Variants in USE1 observed in about 807,000 individuals in gnomAD.
The protein encoded by USE1 is vesicle transport protein USE1.
A neutral mutation model predicts 37.6 loss-of-function variants in USE1; 32 were observed. The observed-to-expected ratio is 0.85, with a 90% CI of 0.64 to 1.14. The LOEUF is 1.14. Ranked by LOEUF, USE1 falls within the 50% of genes most tolerant of loss-of-function variation. USE1 has a pLI of 0.00. For synonymous variants in USE1, 149 were observed against 137.6 expected (o/e 1.08, Z -0.58); for missense variants, 310 against 332.2 (o/e 0.93, Z 0.52).
chr19:17,219,423 T>C, intron 7 of USE1, 36 bp downstream of exon 7: 1 of 1,528,800 alleles, frequency 6.5e-7, no homozygotes, highest in African/African-American at 1.4e-5. Context: ...GCCTCTGCCC[T>C]GGGGCATCAG....
At chr19:17,218,581 T>G in intron 6 of USE1, 190 bp downstream of exon 6, 1 of 612,544 alleles carries the variant, frequency 1.6e-6, no homozygotes, top group Non-Finnish European at 2.6e-6. Flanking sequence ...ATCCCAATAC[T>G]TTGGGAGGCT....
Position 17,216,010 on chromosome 19 carries a change from G to A in USE1, c.171G>A (p.Val57=), listed in dbSNP as rs1194918809. The A allele has an allele frequency of 2.5e-6, 4 of 1,607,510 alleles. No individual in the cohort carries two copies. The change falls in exon 3 of 8, where the codon GTG becomes GTA. Residue 57 remains valine, a synonymous_variant. Transcript: ENST00000263897. The part of the protein sequence containing the change: ...KVHASKPASE[V]INEYSWKVDF... The stretch of plus-strand genomic sequence containing the variant: ...CTTCCAGCAAACCGGCCTCTGAGGT[G>A]ATCAATGAATATTCCTGGAAGGTGG...
chr19:17,216,669 G>A (rs528779966), intron 4 of USE1, among the ~76,000 whole-genome samples: 1 of 152,202 alleles, frequency 6.6e-6, no homozygotes, highest in Non-Finnish European at 1.5e-5. Flanking sequence ...ATGTGGATCA[G>A]CTCAATCTTT....
intron 2 of USE1, 43 bp from the exon 3 acceptor site, chr19:17,215,949 G>T (rs1341248189): frequency 6.3e-7 from 1 of 1,583,326 alleles, no homozygotes; most frequent in Admixed American, 1.8e-5. Context: ...CCCTGAGCTG[G>T]GGACCATGGA....
intron 6 of USE1, 44 bp downstream of exon 6, chr19:17,218,435 G>A: frequency 6.2e-7 from 1 of 1,613,130 alleles, no homozygotes; most frequent in Non-Finnish European, 8.5e-7. Context: ...ATTGGGCGGT[G>A]CGGCAGGGAC....
intron 1 of USE1, 80 bp downstream of exon 1, chr19:17,215,587 C>G: frequency 6.7e-7 from 1 of 1,493,404 alleles, no homozygotes; most frequent in Non-Finnish European, 9.0e-7. Flanking sequence ...TGGCCCGACT[C>G]CCCGGCCCCA....
In USE1 at chr19:17,216,014, A is replaced by G; in HGVS notation, c.175A>G (p.Asn59Asp). Reference protein sequence around the residue: ...HASKPASEVINEYSWKVDFLK... With the variant: ...HASKPASEVIDEYSWKVDFLK... ...CAGCAAACCGGCCTCTGAGGTGATC[A>G]ATGAATATTCCTGGAAGGTGGATTT... is the stretch of plus-strand genomic sequence containing the variant. Residue 59 changes from asparagine to aspartate, a missense_variant, in exon 3 of 8, where the codon AAT becomes GAT. Physicochemically the swap from Asn to Asp is conservative, Grantham distance 23. Coordinates refer to ENST00000263897, the MANE Select transcript of USE1 (RefSeq NM_018467.4). 6.2e-7 allele frequency: 1 copy of G among 1,608,676 alleles called. No homozygotes were observed. Among genetic ancestry groups the G allele is most frequent in the Non-Finnish European group, 8.5e-7 (1 of 1,177,578 alleles).
intron 2 of USE1, 67 bp downstream of exon 2, chr19:17,215,918 G>T: frequency 1.3e-6 from 2 of 1,583,102 alleles, no homozygotes; most frequent in Non-Finnish European, 1.7e-6. Context: ...TCCCAGTACC[G>T]CTATCCCAGC....
chr19:17,215,708 C>T, intron 1 of USE1, 94 bp from the exon 2 acceptor site: 2 of 1,184,298 alleles, frequency 1.7e-6, no homozygotes, highest in Non-Finnish European at 2.4e-6. Context: ...CTCCTTTACG[C>T]TTGACCCCTC....
chr19:17,218,178 A>G, intron 5 of USE1, 186 bp from the exon 6 acceptor site: 2 of 690,988 alleles, frequency 2.9e-6, no homozygotes, highest in Admixed American at 5.8e-5. Context: ...GTCTGAGGGA[A>G]CCGAGACAGG....
intron 1 of USE1, 137 bp downstream of exon 1, chr19:17,215,644 C>T (rs2073284149): frequency 3.0e-6 from 4 of 1,318,348 alleles, no homozygotes; most frequent in Admixed American, 4.2e-5. Context: ...GCCACGTCCA[C>T]CTGTAGCTTC....
intron 4 of USE1, 69 bp from the exon 5 acceptor site, chr19:17,217,384 C>A: frequency 6.3e-7 from 1 of 1,580,344 alleles, no homozygotes; most frequent in East Asian, 2.3e-5. Flanking sequence ...GATCTGCCCA[C>A]CTTGGCCTCC....
In USE1 at chr19:17,215,996, C is replaced by G. The variant is rs1303756637; in HGVS notation, c.157C>G (p.Pro53Ala). Residue 53 changes from proline to alanine, a missense_variant, in exon 3 of 8, where the codon CCG (proline) becomes GCG (alanine). Coordinates refer to ENST00000263897, the MANE Select transcript of USE1 (RefSeq NM_018467.4). ...TTTCTTCTTCCTGCCTTCCAGCAAA[C>G]CGGCCTCTGAGGTGATCAATGAATA... ...LQALKVHASKPASEVINEYSW... is the reference protein window; with the variant it reads ...LQALKVHASKAASEVINEYSW... The G allele has an allele frequency of 6.2e-7, 1 of 1,604,216 alleles. No homozygotes were observed.
intron 6 of USE1, chr19:17,218,826 C>CAAAA (rs34769436): frequency 6.0e-5 from 4 of 67,064 alleles, no homozygotes; most frequent in Non-Finnish European, 7.7e-5. Flanking sequence ...GATGCTGTCT[C>CAAAA]AAAAAAAAAA....
Position 17,219,817 on chromosome 19 carries a change from C to T in USE1, c.*4C>T. 1.9e-6 allele frequency: 3 copies of T among 1,576,732 alleles called. No individual in the cohort carries two copies. The highest frequency in any genetic ancestry group is 1.7e-6 in the Non-Finnish European group (2 of 1,159,388). ...AATCATGCCTAAACTCAAATAAAGA[C>T]CCCCGCCCACCTTGTCTGTCTTCCG... On this transcript the variant is annotated 3_prime_UTR_variant, in exon 8 of 8. Coordinates refer to ENST00000263897, the MANE Select transcript of USE1 (RefSeq NM_018467.4).
Position 17,215,451 on chromosome 19 carries a change from C to A in USE1, c.46C>A (p.Arg16Ser), listed in dbSNP as rs867902713. ...GCTAAACCTGGTGCGGCTGCTATCCCGCTGCGAGGCGATGGCAGCGGAGAA... is the reference window on the plus strand; with the variant it reads ...GCTAAACCTGGTGCGGCTGCTATCCAGCTGCGAGGCGATGGCAGCGGAGAA... ...LELNLVRLLS[R>S]CEAMAAEKRD... The change falls in exon 1 of 8, where the codon CGC becomes AGC. Residue 16 changes from arginine to serine, a missense_variant. By Grantham distance (110) the Arg-to-Ser change is moderately radical (BLOSUM62 -1). Transcript: ENST00000263897. 1 of 1,563,234 alleles carries A rather than the reference C, an allele frequency of 6.4e-7. No homozygotes were observed. Among genetic ancestry groups the A allele is most frequent in the Non-Finnish European group, 8.7e-7 (1 of 1,155,544 alleles).
intron 4 of USE1, 137 bp downstream of exon 4, chr19:17,216,458 A>G (rs2073291504): frequency 2.4e-6 from 3 of 1,255,994 alleles, no homozygotes; most frequent in South Asian, 3.0e-5. Context: ...GGGTCATCAC[A>G]CAAGGCTGCC....
chr19:17,216,012 T>C lies in USE1; in HGVS notation c.173T>C (p.Ile58Thr), dbSNP rs1339758824. The C allele has an allele frequency of 3.1e-6, 5 of 1,608,070 alleles. No individual in the cohort carries two copies. Among genetic ancestry groups the C allele is most frequent in the Middle Eastern group, 1.7e-4 (1 of 6,056 alleles). ...TCCAGCAAACCGGCCTCTGAGGTGA[T>C]CAATGAATATTCCTGGAAGGTGGAT... ...VHASKPASEVINEYSWKVDFL... is the reference protein window; with the variant it reads ...VHASKPASEVTNEYSWKVDFL... Residue 58 changes from isoleucine to threonine, a missense_variant, in exon 3 of 8, where the codon ATC becomes ACC. By Grantham distance (89) the Ile-to-Thr change is moderately conservative. Transcript: ENST00000263897.
In USE1 at chr19:17,217,190, T is replaced by C. The variant is rs1439563365; in HGVS notation, c.385-263T>C. Among the ~76,000 whole-genome samples the C allele has an allele frequency of 2.0e-5, 3 of 149,440 alleles. No individual in the cohort carries two copies. The South Asian group carries it at 6.4e-4, about 32-fold the overall frequency. ...CGCTCTTGTTGCCCAGGCTAGAGTG[T>C]GGTGGCGCGATCTCGGCTCACTGCA... On this transcript the variant is annotated intron_variant, in intron 4 of 7. Transcript: ENST00000263897.
Sources: allele counts gnomAD v4.1 joint callset (sites outside exome capture counted in the v4.1 genomes callset), GRCh38; gene constraint gnomAD v4.1.1; transcripts MANE v1.5; gene names NCBI Gene and HGNC (gene_info 2026-07-23, HGNC 2026-07-21).